RBFOX3: variants seen among roughly 807,000 people sequenced by gnomAD.
RBFOX3 encodes RNA binding protein fox-1 homolog 3.
RBFOX3 carries 17 observed loss-of-function variants against 48.7 expected under a neutral mutation model. The ratio of observed to expected loss-of-function variants is 0.35; its 90% CI spans 0.24 to 0.52. RBFOX3 has a LOEUF of 0.52. Among genes scored for constraint, RBFOX3 ranks in the 20% least tolerant of loss-of-function variants. RBFOX3 has a pLI of 0.94. For synonymous variants in RBFOX3, 212 were observed against 209.5 expected, an observed-to-expected ratio of 1.01 and a Z score of -0.10; for missense variants, 382 against 497.5, an observed-to-expected ratio of 0.77 and a Z score of 2.21.
At chr17:79,584,412 T>A (rs1324965257) in intron 1 of RBFOX3, among the ~76,000 whole-genome samples, 1 of 152,132 alleles carries the variant, frequency 6.6e-6, no homozygotes, top group African/African-American at 2.4e-5. Flanking sequence ...GGAAAATAAG[T>A]CATGATACAA....
chr17:79,170,605 G>A (rs1442810509), intron 4 of RBFOX3, among the ~76,000 whole-genome samples: 1 of 152,084 alleles, frequency 6.6e-6, no homozygotes, highest in African/African-American at 2.4e-5. Context: ...AGGCCTCCCA[G>A]GTATACCTCT....
chr17:79,489,072 G>A (rs1555771191), intron 1 of RBFOX3, among the ~76,000 whole-genome samples: 1 of 152,012 alleles, frequency 6.6e-6, no homozygotes. Flanking sequence ...AAATATGCTT[G>A]CATTCTTATT....
At chr17:79,237,004 A>G (rs987500869) in intron 3 of RBFOX3, among the ~76,000 whole-genome samples, 1 of 152,156 alleles carries the variant, frequency 6.6e-6, no homozygotes. Flanking sequence ...ACCATTTTCA[A>G]ATGTACAATT....
intron 4 of RBFOX3, among the ~76,000 whole-genome samples, chr17:79,121,373 A>G (rs1006084122): frequency 1.3e-5 from 2 of 152,090 alleles, no homozygotes; most frequent in Non-Finnish European, 2.9e-5. Context: ...CCTTGACACC[A>G]TGGCTCCTTC....
chr17:79,271,124 G>A (rs923300590), intron 3 of RBFOX3, among the ~76,000 whole-genome samples: 1 of 151,362 alleles, frequency 6.6e-6, no homozygotes, highest in Admixed American at 6.6e-5. Context: ...CACCCAGGCT[G>A]GAGCGCAATG....
At position 79,101,661 on chromosome 17, in the gene RBFOX3, GGA is replaced by G. The variant is rs1367499597; in HGVS notation, c.508-19_508-18del. On this transcript the variant is annotated intron_variant, in intron 8 of 14. Transcript: ENST00000693108. The stretch of plus-strand genomic sequence containing the variant: ...ATTATTGACCTGTTCAAAGAGGGAA[GGA>G]GAGAGAGGAAGAGGGAGGATTAGCC... The G allele has an allele frequency of 2.6e-5, 41 of 1,550,086 alleles. No individual in the cohort carries two copies. The highest frequency in any genetic ancestry group is 3.6e-5 in the Non-Finnish European group (41 of 1,146,058).
At chr17:79,665,368 T>C in the RBFOX3 span, among the ~76,000 whole-genome samples, 2 of 149,820 alleles carry the variant, frequency 1.3e-5, no homozygotes, top group African/African-American at 4.9e-5. Context: ...GAAATCTCCT[T>C]ACCTGGGAGG....
chr17:79,318,539 A>G (rs1318474480), intron 2 of RBFOX3, among the ~76,000 whole-genome samples: 1 of 152,164 alleles, frequency 6.6e-6, no homozygotes, highest in Non-Finnish European at 1.5e-5. Flanking sequence ...GGCAAATTTC[A>G]TACTAAGAGT....
chr17:79,089,821 G>T lies in RBFOX3; in HGVS notation c.*1062C>A, dbSNP rs997208472. 6.6e-6 allele frequency: 1 copy of T among 152,480 alleles called. No individual in the cohort carries two copies. The highest frequency in any genetic ancestry group is 2.4e-5 in the African/African-American group (1 of 41,424). The allele number at this position is 152,480 out of a possible 1,614,324, so 9.4% of individuals were successfully genotyped here. A position where few individuals can be genotyped will look rare whatever the true frequency, so the allele number is the denominator to read the frequency against. On this transcript the variant is annotated 3_prime_UTR_variant, in exon 15 of 15. Coordinates refer to ENST00000693108, the MANE Select transcript of RBFOX3 (RefSeq NM_001350451.2). ...TCCTTGGTGCTGCTCCCGCCACCTG[G>T]ACACCTGCCTTGGGAGCAGGGAAGG...
chr17:79,360,809 T>G (rs1202019291), intron 2 of RBFOX3, among the ~76,000 whole-genome samples: 1 of 148,956 alleles, frequency 6.7e-6, no homozygotes, highest in Non-Finnish European at 1.5e-5. Context: ...TGAGAAAAAT[T>G]GCTCTGGATC....
chr17:79,567,589 C>T (rs2092515479), intron 1 of RBFOX3, among the ~76,000 whole-genome samples: 1 of 152,282 alleles, frequency 6.6e-6, no homozygotes, highest in South Asian at 2.1e-4. Flanking sequence ...TCATTACACA[C>T]TGTATATATG....
intron 2 of RBFOX3, among the ~76,000 whole-genome samples, chr17:79,444,143 A>G (rs1043847271): frequency 1.3e-5 from 2 of 152,272 alleles, no homozygotes; most frequent in African/African-American, 2.4e-5. Context: ...TGAGAGGGAC[A>G]AGGAAACCCT....
intron 2 of RBFOX3, among the ~76,000 whole-genome samples, chr17:79,371,574 C>T (rs11650345): frequency 2.4e-4 from 36 of 152,204 alleles, no homozygotes; most frequent in Middle Eastern, 3.4e-3. Flanking sequence ...AAAATCGAGA[C>T]GCCCAGAGTG....
intron 1 of RBFOX3, among the ~76,000 whole-genome samples, chr17:79,574,779 C>T (rs1208228925): frequency 6.6e-6 from 1 of 152,224 alleles, no homozygotes; most frequent in Non-Finnish European, 1.5e-5. Flanking sequence ...TGAGTGAGAG[C>T]GTGGTGAGCC....
At chr17:79,236,069 C>T (rs918362328) in intron 3 of RBFOX3, among the ~76,000 whole-genome samples, 2 of 152,200 alleles carry the variant, frequency 1.3e-5, no homozygotes, top group Admixed American at 6.5e-5. Context: ...AGGTTTCAGA[C>T]TCATTTTCTC....
intron 2 of RBFOX3, among the ~76,000 whole-genome samples, chr17:79,370,328 C>T (rs539856994): frequency 6.6e-6 from 1 of 152,350 alleles, no homozygotes; most frequent in African/African-American, 2.4e-5. Flanking sequence ...AGTGCCTGAG[C>T]CCCACCCAGG....
intron 1 of RBFOX3, among the ~76,000 whole-genome samples, chr17:79,594,240 A>C (rs1054459154): frequency 3.3e-5 from 5 of 152,008 alleles, no homozygotes; most frequent in Non-Finnish European, 7.4e-5. Context: ...ACCCTTGGAA[A>C]CTTTCGAGAC....
intron 3 of RBFOX3, among the ~76,000 whole-genome samples, chr17:79,264,374 C>CA (rs1567941686): frequency 6.8e-6 from 1 of 147,336 alleles, no homozygotes; most frequent in Non-Finnish European, 1.5e-5. Context: ...CCAAGCCTGG[C>CA]TTTTTTTTTT....
intron 2 of RBFOX3, among the ~76,000 whole-genome samples, chr17:79,338,671 C>A (rs996545250): frequency 2.6e-5 from 4 of 152,150 alleles, no homozygotes; most frequent in African/African-American, 9.7e-5. Flanking sequence ...GTGAGTTTAC[C>A]ATTCCCTGTC....
Sources: gnomAD v4.1 joint callset for allele counts (sites outside exome capture counted in the v4.1 genomes callset) on GRCh38, gnomAD v4.1.1 for gene constraint, MANE v1.5 for transcripts, NCBI Gene and HGNC (gene_info 2026-07-23, HGNC 2026-07-21) for gene names.